Variants in L3MBTL4 observed in about 807,000 individuals in gnomAD.
The protein encoded by L3MBTL4 is L3MBTL histone methyl-lysine binding protein 4, also known as lethal(3)malignant brain tumor-like protein 4.
Under a neutral mutation model 84.5 loss-of-function variants are expected in L3MBTL4, and 70 were observed. The observed-to-expected ratio is 0.83, with a 90% CI of 0.68 to 1.01. L3MBTL4 has a LOEUF of 1.01. L3MBTL4 is among the 50% of genes least tolerant of loss of function. The pLI is 0.00. For synonymous variants in L3MBTL4, 274 were observed against 259.8 expected (o/e 1.05, Z -0.52); for missense variants, 715 against 754.8 (o/e 0.95, Z 0.62).
At chr18:6,267,077 C>CAT (rs2048667260) in intron 4 of L3MBTL4, among the ~76,000 whole-genome samples, 1 of 151,932 alleles carries the variant, frequency 6.6e-6, no homozygotes, top group Admixed American at 6.6e-5. Flanking sequence ...AAAAATAAAT[C>CAT]ATATATACTT....
chr18:6,196,303 G>A lies in L3MBTL4; in HGVS notation c.981+16846C>T, dbSNP rs368806313. Among the ~76,000 whole-genome samples the A allele has an allele frequency of 5.2e-3, 786 of 151,802 alleles. 6 individuals carry two copies. The highest frequency in any genetic ancestry group is 0.018 in the African/African-American group (736 of 41,344). ...CTCCCAAGTAGCTGGGACTACAGGC[G>A]CCCGCCACCACGCCCGTCTAATTTT... On this transcript the variant is annotated intron_variant, in intron 12 of 18. Transcript: ENST00000317931.
At chr18:6,235,485 T>A (rs909406063) in intron 10 of L3MBTL4, among the ~76,000 whole-genome samples, 7 of 152,190 alleles carry the variant, frequency 4.6e-5, no homozygotes, top group African/African-American at 1.7e-4. Flanking sequence ...TACAATGGAA[T>A]GTTATTCAGC....
At chr18:6,140,852 C>T (rs2060175918) in intron 13 of L3MBTL4, among the ~76,000 whole-genome samples, 2 of 151,900 alleles carry the variant, frequency 1.3e-5, no homozygotes, top group South Asian at 2.1e-4. Flanking sequence ...TCAGAGCAAA[C>T]CTCTCAAAGT....
intron 16 of L3MBTL4, among the ~76,000 whole-genome samples, chr18:5,970,710 T>G (rs775961544): frequency 6.6e-6 from 1 of 152,254 alleles, no homozygotes; most frequent in Non-Finnish European, 1.5e-5. Flanking sequence ...AGTAGGCACA[T>G]AATTTAAGGT....
Position 6,241,983 on chromosome 18 carries a change from C to T in L3MBTL4, c.461-534G>A, listed in dbSNP as rs564624914. 9.8e-4 allele frequency among the ~76,000 whole-genome samples: 149 copies of T among 152,288 alleles called. 1 individual carries two copies. The highest frequency in any genetic ancestry group is 8.2e-4 in the Non-Finnish European group (56 of 68,024). ...CCCACTCCACAGCTCCAGCTTTCTG[C>T]GCCGCATCTTTACTAGTCTCCCATT... On this transcript the variant is annotated intron_variant, in intron 7 of 18. Transcript: ENST00000317931.
chr18:6,272,790 T>C (rs374502217), intron 4 of L3MBTL4, among the ~76,000 whole-genome samples: 83 of 75,930 alleles, frequency 1.1e-3, no homozygotes, highest in South Asian at 4.6e-3. Flanking sequence ...ATATAAGGAA[T>C]ACAGAACAGT....
chr18:6,243,358 A>G lies in L3MBTL4; in HGVS notation c.396T>C (p.Gly132=). 6.2e-7 allele frequency: 1 copy of G among 1,606,942 alleles called. No individual in the cohort carries two copies. Among genetic ancestry groups the G allele is most frequent in the Non-Finnish European group, 8.5e-7 (1 of 1,176,830 alleles). The change falls in exon 7 of 19, where the codon GGT becomes GGC. Residue 132 remains glycine, a synonymous_variant. Coordinates refer to ENST00000317931, the MANE Select transcript of L3MBTL4 (RefSeq NM_001330559.2). ...ATCCTACTGGATGAATGTCAGGGGA[A>G]CCAGCATTGGTCCAAAAATCATAGC... is the stretch of plus-strand genomic sequence containing the variant. ...LSCYDFWTNA[G]SPDIHPVGWC... is the part of the protein sequence containing the mutation.
intron 16 of L3MBTL4, among the ~76,000 whole-genome samples, chr18:6,010,047 G>A (rs1328653058): frequency 6.6e-6 from 1 of 151,794 alleles, no homozygotes; most frequent in Admixed American, 6.6e-5. Flanking sequence ...CTTTAAAATC[G>A]ATGTTTCCCT....
At chr18:6,163,018 C>T (rs1006005765) in intron 13 of L3MBTL4, among the ~76,000 whole-genome samples, 6 of 151,884 alleles carry the variant, frequency 4.0e-5, no homozygotes, top group Admixed American at 6.6e-5. Context: ...GTTTTAATAA[C>T]GTGGAAAACG....
At chr18:6,190,625 A>G (rs1208521860) in intron 12 of L3MBTL4, among the ~76,000 whole-genome samples, 1 of 152,216 alleles carries the variant, frequency 6.6e-6, no homozygotes, top group East Asian at 1.9e-4. Flanking sequence ...CCAGGGATAT[A>G]TCAGTGAACA....
chr18:6,048,643 G>A (rs1267125020), intron 16 of L3MBTL4, among the ~76,000 whole-genome samples: 1 of 152,000 alleles, frequency 6.6e-6, no homozygotes, highest in Non-Finnish European at 1.5e-5. Context: ...CTAAAAATTA[G>A]CCGGGTGTGG....
At chr18:6,108,166 A>G (rs908478981) in intron 14 of L3MBTL4, among the ~76,000 whole-genome samples, 3 of 152,170 alleles carry the variant, frequency 2.0e-5, no homozygotes, top group Non-Finnish European at 4.4e-5. Context: ...ACTGCAGTCC[A>G]GGTTGTGGAT....
At chr18:6,128,887 T>C (rs2059786207) in intron 14 of L3MBTL4, among the ~76,000 whole-genome samples, 1 of 151,966 alleles carries the variant, frequency 6.6e-6, no homozygotes, top group African/African-American at 2.4e-5. Context: ...GGGCTATCTT[T>C]GAGGTGAGAG....
At chr18:6,150,109 C>G (rs7239459) in intron 13 of L3MBTL4, among the ~76,000 whole-genome samples, 7,674 of 152,190 alleles carry the variant, frequency 0.05, 682 homozygotes, top group African/African-American at 0.18. Flanking sequence ...TTTAGTACAT[C>G]TAGTTTCATT....
intron 4 of L3MBTL4, among the ~76,000 whole-genome samples, chr18:6,297,580 T>G (rs916110914): frequency 2.6e-5 from 4 of 152,220 alleles, no homozygotes; most frequent in African/African-American, 4.8e-5. Context: ...GAACAGATAT[T>G]CCAACAACAC....
At chr18:6,142,651 T>G (rs1236019056) in intron 13 of L3MBTL4, among the ~76,000 whole-genome samples, 1 of 152,194 alleles carries the variant, frequency 6.6e-6, no homozygotes, top group Non-Finnish European at 1.5e-5. Context: ...ATAGGCATGG[T>G]GGCCCACGCA....
chr18:6,311,343 A>C (rs529061766), intron 3 of L3MBTL4, among the ~76,000 whole-genome samples: 3 of 152,070 alleles, frequency 2.0e-5, no homozygotes. Context: ...GTCTCCTTTC[A>C]CCTTTAAAGT....
intron 16 of L3MBTL4, among the ~76,000 whole-genome samples, chr18:6,036,624 T>C (rs1228824876): frequency 6.6e-6 from 1 of 152,218 alleles, no homozygotes; most frequent in Non-Finnish European, 1.5e-5. Flanking sequence ...CATTTTCTTA[T>C]TGACTTATTT....
intron 18 of L3MBTL4, among the ~76,000 whole-genome samples, chr18:5,959,308 G>A (rs575270604): frequency 6.6e-6 from 1 of 152,282 alleles, no homozygotes; most frequent in East Asian, 1.9e-4. Context: ...CTGGGCCTGA[G>A]CTTCTTCATC....
Sources: allele counts gnomAD v4.1 joint callset (sites outside exome capture counted in the v4.1 genomes callset), GRCh38; gene constraint gnomAD v4.1.1; transcripts MANE v1.5; gene names NCBI Gene and HGNC (gene_info 2026-07-23, HGNC 2026-07-21).